INTS4: variants seen among roughly 807,000 people sequenced by gnomAD.
INTS4 encodes integrator complex subunit 4, also known as MSTP093.
In INTS4, 70 loss-of-function variants were observed where a neutral mutation model predicts 119.5. The observed-to-expected ratio is 0.59, with a 90% CI of 0.48 to 0.71. INTS4 has a LOEUF of 0.71. Ranked by LOEUF, INTS4 falls within the 30% of genes least tolerant of loss-of-function variation. INTS4 has a pLI of 0.00. For missense variants in INTS4, 867 were observed against 1,173.2 expected (o/e 0.74, Z 3.81); for synonymous variants, 316 against 419.6 (o/e 0.75, Z 3.02).
intron 4 of INTS4, among the ~76,000 whole-genome samples, chr11:77,967,982 C>T (rs535997271): frequency 6.6e-6 from 1 of 152,274 alleles, no homozygotes; most frequent in South Asian, 2.1e-4. Flanking sequence ...GTAAAGCCTA[C>T]TACACCTAGA....
intron 10 of INTS4, among the ~76,000 whole-genome samples, chr11:77,936,806 T>G (rs1350587975): frequency 6.6e-6 from 1 of 152,118 alleles, no homozygotes; most frequent in African/African-American, 2.4e-5. Flanking sequence ...ATCAGTGAGC[T>G]GTAAAACAAT....
intron 8 of INTS4, among the ~76,000 whole-genome samples, chr11:77,947,484 G>T (rs527794082): frequency 6.6e-6 from 1 of 152,322 alleles, no homozygotes; most frequent in East Asian, 1.9e-4. Context: ...GAATGGGATA[G>T]AATTAATATA....
chr11:77,981,739 T>TTTATTTA (rs1565290160), intron 2 of INTS4, among the ~76,000 whole-genome samples, 163 bp from the exon 3 acceptor site: 3,826 of 149,952 alleles, frequency 0.026, 101 homozygotes, highest in African/African-American at 0.07. Context: ...GACAGCTTTC[T>TTTATTTA]TTTATTTATT....
rs544349021 is a variant in INTS4, at chr11:77,937,172, C to T, written c.1165+1479G>A. Among the ~76,000 whole-genome samples the T allele has an allele frequency of 3.3e-5, 5 of 151,314 alleles. 1 individual carries two copies. The South Asian group carries it at 8.3e-4, about 25-fold the overall frequency. On this transcript the variant is annotated intron_variant, in intron 10 of 22. Coordinates refer to ENST00000534064, the MANE Select transcript of INTS4 (RefSeq NM_033547.4). ...CCTGGGCAAAACTCTGTCCCCGCCACACCCCCCGAAAAAAAAAGAGAGAGA... is the reference window on the plus strand; with the variant it reads ...CCTGGGCAAAACTCTGTCCCCGCCATACCCCCCGAAAAAAAAAGAGAGAGA...
intron 15 of INTS4, among the ~76,000 whole-genome samples, chr11:77,912,436 C>CT (rs1000147614): frequency 1.2e-4 from 18 of 151,786 alleles, no homozygotes; most frequent in African/African-American, 3.4e-4. Context: ...AAAACAGTTC[C>CT]TCCCAGGAAC....
In INTS4 at chr11:77,918,140, A is replaced by G. The variant is rs963895222; in HGVS notation, c.1922+681T>C. On this transcript the variant is annotated intron_variant, in intron 15 of 22. Transcript: ENST00000534064. ...TGCAGAAGATGAAGACAGAAGAAAG[A>G]ATGAGCCTAGGCCGGGCACAGTGGC... The G allele has an allele frequency of 8.5e-6, 6 of 701,870 alleles. No homozygotes were observed. In the African/African-American group the frequency reaches 1.0e-4, roughly 12 times the overall value. The allele number at this position is 701,870 out of a possible 1,614,324, so 43.5% of individuals were successfully genotyped here.
chr11:77,941,123 C>G, intron 9 of INTS4, 57 bp downstream of exon 9: 1 of 1,594,222 alleles, frequency 6.3e-7, no homozygotes, highest in Non-Finnish European at 8.5e-7. Context: ...ACTCAGCATA[C>G]TGCCCCACTA....
intron 6 of INTS4, among the ~76,000 whole-genome samples, chr11:77,959,609 C>T (rs1954414809): frequency 6.6e-6 from 1 of 152,032 alleles, no homozygotes; most frequent in South Asian, 2.1e-4. Flanking sequence ...ACATAGTTTT[C>T]TTATAGAAAA....
At chr11:77,888,253 C>A (rs1952104757) in intron 21 of INTS4, among the ~76,000 whole-genome samples, 1 of 152,074 alleles carries the variant, frequency 6.6e-6, no homozygotes, top group Admixed American at 6.5e-5. Flanking sequence ...AGAACAGAGC[C>A]CTCAGAAATA....
At chr11:77,938,549 T>A in intron 10 of INTS4, 102 bp downstream of exon 10, 2 of 1,474,778 alleles carry the variant, frequency 1.4e-6, no homozygotes, top group Non-Finnish European at 1.8e-6. Flanking sequence ...CCAGAGTTAC[T>A]GTGAGGACTA....
intron 21 of INTS4, among the ~76,000 whole-genome samples, chr11:77,888,936 A>G (rs1952137278): frequency 6.6e-6 from 1 of 152,200 alleles, no homozygotes; most frequent in African/African-American, 2.4e-5. Flanking sequence ...CACGTGCTGG[A>G]GAGGATGTGG....
chr11:77,879,161 A>C, intron 22 of INTS4, 34 bp from the exon 23 acceptor site: 1 of 1,608,920 alleles, frequency 6.2e-7, no homozygotes, highest in Non-Finnish European at 8.5e-7. Flanking sequence ...CTCTATAACT[A>C]GGCAACTGCT....
At chr11:77,935,090 G>C (rs1373462952) in intron 10 of INTS4, among the ~76,000 whole-genome samples, 3 of 152,132 alleles carry the variant, frequency 2.0e-5, no homozygotes, top group Non-Finnish European at 4.4e-5. Flanking sequence ...CTGAAATTCT[G>C]AGATGTACAT....
At chr11:77,973,603 T>A (rs1221317844) in intron 4 of INTS4, among the ~76,000 whole-genome samples, 1 of 152,178 alleles carries the variant, frequency 6.6e-6, no homozygotes, top group East Asian at 1.9e-4. Context: ...CATCTATTCC[T>A]GACCTATTCT....
intron 18 of INTS4, among the ~76,000 whole-genome samples, chr11:77,895,434 T>C (rs1952468154): frequency 7.3e-6 from 1 of 136,192 alleles, no homozygotes; most frequent in African/African-American, 2.8e-5. Context: ...CAGCAGTCAA[T>C]AAGTATTTGC....
intron 8 of INTS4, among the ~76,000 whole-genome samples, chr11:77,944,589 A>G (rs1404000368): frequency 6.6e-6 from 1 of 152,186 alleles, no homozygotes; most frequent in Admixed American, 6.5e-5. Flanking sequence ...CCTGACTATC[A>G]ACTTCGTTGA....
chr11:77,994,638 C>T lies in INTS4; in HGVS notation c.6G>A (p.Ala2=), dbSNP rs1363182137. 1.9e-6 allele frequency: 3 copies of T among 1,614,156 alleles called. No individual in the cohort carries two copies. The highest frequency in any genetic ancestry group is 2.2e-5 in the South Asian group (2 of 91,082). The change falls in exon 1 of 23, where the codon GCG becomes GCA. Residue 2 remains alanine (A), a synonymous_variant. Coordinates refer to ENST00000534064, the MANE Select transcript of INTS4 (RefSeq NM_033547.4). The part of the protein sequence containing the change: M[A]AHLKKRVYEE... ...CATAAACCCGCTTCTTAAGGTGCGC[C>T]GCCATGCCTACCCGCGGGCCCTCTC...
At chr11:77,929,728 T>C (rs1421911054) in intron 10 of INTS4, among the ~76,000 whole-genome samples, 2 of 152,160 alleles carry the variant, frequency 1.3e-5, no homozygotes, top group Non-Finnish European at 2.9e-5. Context: ...GAATGATCCC[T>C]CCACTAAGTT....
At chr11:77,884,425 C>A (rs1951912667) in intron 21 of INTS4, among the ~76,000 whole-genome samples, 1 of 152,160 alleles carries the variant, frequency 6.6e-6, no homozygotes, top group Admixed American at 6.5e-5. Context: ...ATGAAGAGTC[C>A]ACTCAAATCA....
Sources: allele counts gnomAD v4.1 joint callset (sites outside exome capture counted in the v4.1 genomes callset), GRCh38; gene constraint gnomAD v4.1.1; transcripts MANE v1.5; gene names NCBI Gene and HGNC (gene_info 2026-07-23, HGNC 2026-07-21).